DOCK5: variants seen among roughly 807,000 people sequenced by gnomAD.
DOCK5 encodes dedicator of cytokinesis 5, also known as dedicator of cytokinesis protein 5.
DOCK5 carries 142 observed loss-of-function variants against 251.8 expected under a neutral mutation model. The ratio of observed to expected loss-of-function variants is 0.56; its 90% CI spans 0.49 to 0.65. The LOEUF (loss-of-function observed/expected upper bound fraction) is 0.65, where lower values mean the gene tolerates loss of function less well. DOCK5 is among the 30% of genes least tolerant of loss of function. The pLI is 0.00. For missense variants in DOCK5, 2,111 were observed against 2,312.3 expected (o/e 0.91, Z 1.79); for synonymous variants, 842 against 835.5 (o/e 1.01, Z -0.13).
At chr8:25,331,918 G>A (rs1805692986) in intron 18 of DOCK5, among the ~76,000 whole-genome samples, 2 of 151,264 alleles carry the variant, frequency 1.3e-5, no homozygotes, top group Admixed American at 6.6e-5. Context: ...ATTTAAATAA[G>A]GCAGCAAATT....
At chr8:25,205,451 T>C (rs765450089) in intron 1 of DOCK5, among the ~76,000 whole-genome samples, 3 of 152,174 alleles carry the variant, frequency 2.0e-5, no homozygotes, top group Non-Finnish European at 4.4e-5. Flanking sequence ...ACATGGTGTG[T>C]GGTATTTTGT....
At position 25,391,941 on chromosome 8, in the gene DOCK5, G is replaced by T. The variant is rs35098407; in HGVS notation, c.4401G>T (p.Pro1467=). 1.2e-6 allele frequency: 2 copies of T among 1,613,858 alleles called. No individual in the cohort carries two copies. The highest frequency in any genetic ancestry group is 1.3e-5 in the African/African-American group (1 of 75,040). ...NEVQQFRYSR[P]FRKGEKDPDN... is the part of the protein sequence containing the mutation. ...TGCAGCAGTTCAGATACTCCCGGCC[G>T]TTCCGGAAAGGAGAAAAGGATCCAG... The change falls in exon 43 of 52, where the codon CCG becomes CCT. Residue 1467 remains proline (P), a synonymous_variant. Transcript: ENST00000276440.
intron 40 of DOCK5, among the ~76,000 whole-genome samples, chr8:25,386,745 G>A (rs1371055772): frequency 6.6e-6 from 1 of 152,166 alleles, no homozygotes; most frequent in Non-Finnish European, 1.5e-5. Context: ...TCAGAAATGT[G>A]ACCACAGAGA....
At position 25,399,890 on chromosome 8, in the gene DOCK5, C is replaced by T. The variant is rs986939686; in HGVS notation, c.4705-21C>T. ...AGATAGGAATGTGTTCTAATTAAAA[C>T]TTGCATATGCTTTTTTTTAGGCTTT... On this transcript the variant is annotated intron_variant, in intron 45 of 51. Coordinates refer to ENST00000276440, the MANE Select transcript of DOCK5 (RefSeq NM_024940.8). The T allele has an allele frequency of 3.8e-6, 6 of 1,591,364 alleles. No individual in the cohort carries two copies. In the African/African-American group the frequency reaches 6.7e-5, roughly 18 times the overall value.
At chr8:25,241,997 CT>C (rs1802965213) in intron 1 of DOCK5, among the ~76,000 whole-genome samples, 1 of 125,764 alleles carries the variant, frequency 8.0e-6, no homozygotes, top group Non-Finnish European at 1.7e-5. Flanking sequence ...ACACTGGGGC[CT>C]TTTGGGGGGT....
At chr8:25,267,881 GAA>G (rs1803804439) in intron 2 of DOCK5, among the ~76,000 whole-genome samples, 1 of 149,632 alleles carries the variant, frequency 6.7e-6, no homozygotes, top group Non-Finnish European at 1.5e-5. Flanking sequence ...TTTTTTTTTG[GAA>G]ACGGAGTCTC....
At chr8:25,270,378 G>C (rs1000733490) in intron 3 of DOCK5, among the ~76,000 whole-genome samples, 4 of 152,094 alleles carry the variant, frequency 2.6e-5, no homozygotes, top group Non-Finnish European at 4.4e-5. Flanking sequence ...CAGAGTACTT[G>C]ATTATGGCCA....
intron 6 of DOCK5, among the ~76,000 whole-genome samples, chr8:25,296,009 A>C (rs1034200123): frequency 6.6e-6 from 1 of 152,056 alleles, no homozygotes; most frequent in African/African-American, 2.4e-5. Flanking sequence ...TAGCAGAGAC[A>C]GGGTTTCAAC....
At chr8:25,312,248 G>A (rs577029550) in intron 13 of DOCK5, among the ~76,000 whole-genome samples, 82 of 152,202 alleles carry the variant, frequency 5.4e-4, no homozygotes, top group African/African-American at 1.8e-3. Flanking sequence ...TCTACCTGAA[G>A]GTTGTTTTAC....
chr8:25,366,768 A>T, intron 30 of DOCK5, 102 bp from the exon 31 acceptor site: 1 of 779,972 alleles, frequency 1.3e-6, no homozygotes. Flanking sequence ...TTCTTTCATT[A>T]ATCTCTTGTT....
chr8:25,408,974 C>T, intron 50 of DOCK5, 34 bp downstream of exon 50: 2 of 1,613,580 alleles, frequency 1.2e-6, no homozygotes, highest in Non-Finnish European at 1.7e-6. Flanking sequence ...AGTCTTTTTA[C>T]TAGGGAATGG....
intron 26 of DOCK5, chr8:25,351,420 C>A: frequency 3.2e-6 from 1 of 307,856 alleles, no homozygotes; most frequent in Non-Finnish European, 6.1e-6. Context: ...ATGGGGGTCC[C>A]CCAAAACTAT....
intron 30 of DOCK5, 114 bp from the exon 31 acceptor site, chr8:25,366,756 T>C: frequency 1.4e-6 from 1 of 695,454 alleles, no homozygotes; most frequent in Middle Eastern, 2.5e-4. Flanking sequence ...GATTGTATTT[T>C]GTTCTTTCAT....
At chr8:25,316,021 T>G (rs949108962) in intron 13 of DOCK5, among the ~76,000 whole-genome samples, 1 of 152,212 alleles carries the variant, frequency 6.6e-6, no homozygotes, top group African/African-American at 2.4e-5. Context: ...TTCACATTTA[T>G]TCCAAGTTTC....
intron 10 of DOCK5, among the ~76,000 whole-genome samples, chr8:25,302,901 G>A (rs1804804465): frequency 6.6e-6 from 1 of 152,168 alleles, no homozygotes; most frequent in Admixed American, 6.5e-5. Context: ...GAGTGTCAGG[G>A]GCTGGAGAGG....
At chr8:25,228,320 G>C (rs1297922031) in intron 1 of DOCK5, among the ~76,000 whole-genome samples, 1 of 152,212 alleles carries the variant, frequency 6.6e-6, no homozygotes, top group Non-Finnish European at 1.5e-5. Context: ...ACCCATACAT[G>C]ATGCAGGATA....
At chr8:25,311,903 C>G (rs1805107040) in intron 13 of DOCK5, among the ~76,000 whole-genome samples, 1 of 146,060 alleles carries the variant, frequency 6.8e-6, no homozygotes, top group African/African-American at 2.6e-5. Context: ...GCCTGGGCAA[C>G]AGAGCAAGAC....
At chr8:25,285,617 T>C (rs915019407) in intron 5 of DOCK5, among the ~76,000 whole-genome samples, 3 of 152,214 alleles carry the variant, frequency 2.0e-5, no homozygotes, top group African/African-American at 7.2e-5. Flanking sequence ...CAGAACATAC[T>C]GAATGGCCCT....
Position 25,315,833 on chromosome 8 carries a change from C to T in DOCK5, c.1319-1174C>T, listed in dbSNP as rs111457756. ...TTCTTCATCCTCAGCAAGTGATAAG[C>T]AGTATCTTATTTTTTTCCAGTTGAG... On this transcript the variant is annotated intron_variant, in intron 13 of 51. Transcript: ENST00000276440. Among the ~76,000 whole-genome samples, 556 of 152,306 alleles carry T rather than the reference C, an allele frequency of 3.7e-3. 1 individual carries two copies. Among genetic ancestry groups the T allele is most frequent in the African/African-American group, 0.013 (525 of 41,572 alleles).
Sources: gnomAD v4.1 joint callset for allele counts (sites outside exome capture counted in the v4.1 genomes callset) on GRCh38, gnomAD v4.1.1 for gene constraint, MANE v1.5 for transcripts, NCBI Gene and HGNC (gene_info 2026-07-23, HGNC 2026-07-21) for gene names.